UGGT2: variants seen among roughly 807,000 people sequenced by gnomAD.
UGGT2 encodes the protein UDP-glucose:glycoprotein glucosyltransferase 2.
In UGGT2, 180 loss-of-function variants were observed where a neutral mutation model predicts 192.1. The observed-to-expected ratio is 0.94, with a 90% CI of 0.83 to 1.06. The LOEUF is 1.06. Ranked by LOEUF, UGGT2 falls within the 50% of genes least tolerant of loss-of-function variation. The pLI, the probability that UGGT2 is intolerant of heterozygous loss-of-function variation, is 0.00. For missense variants in UGGT2, 1,849 were observed against 1,795.7 expected (o/e 1.03, Z -0.54); for synonymous variants, 580 against 591.0 (o/e 0.98, Z 0.27).
intron 29 of UGGT2, among the ~76,000 whole-genome samples, chr13:95,873,010 T>C (rs1185288705): frequency 6.6e-6 from 1 of 152,168 alleles, no homozygotes; most frequent in African/African-American, 2.4e-5. Context: ...AGACTACAAA[T>C]AGCAAAGAAA....
intron 7 of UGGT2, among the ~76,000 whole-genome samples, chr13:95,993,174 A>G (rs2051508692): frequency 6.6e-6 from 1 of 152,196 alleles, no homozygotes; most frequent in Non-Finnish European, 1.5e-5. Context: ...GTTCTCACTT[A>G]TAAGTGAGAA....
At chr13:95,848,311 G>C (rs1213113306) in intron 36 of UGGT2, among the ~76,000 whole-genome samples, 1 of 152,138 alleles carries the variant, frequency 6.6e-6, no homozygotes, top group African/African-American at 2.4e-5. Context: ...GTGAAGTCCA[G>C]CTTATCAATT....
intron 1 of UGGT2, 76 bp downstream of exon 1, chr13:96,053,079 G>A: frequency 7.2e-7 from 1 of 1,395,836 alleles, no homozygotes. Context: ...GACACCCGCT[G>A]CGAGCACGAA....
chr13:95,872,249 G>C (rs1361529063), intron 29 of UGGT2, among the ~76,000 whole-genome samples: 1 of 152,184 alleles, frequency 6.6e-6, no homozygotes, highest in Non-Finnish European at 1.5e-5. Flanking sequence ...CCAATACTGA[G>C]TACACACAAA....
At position 95,900,817 on chromosome 13, in the gene UGGT2, C is replaced by T; in HGVS notation, c.2624G>A (p.Ser875Asn). ...GCTTTTTCTACTTACTCTCCCATTG[C>T]TGACAATACCCATTTCTCCAGGACG... is the stretch of plus-strand genomic sequence containing the variant. ...KLRPGEMGIVSNGRFLGPLDE... is the reference protein window; with the variant it reads ...KLRPGEMGIVNNGRFLGPLDE... The change falls in exon 22 of 39, where the codon AGC (serine) becomes AAC (asparagine). Residue 875 changes from serine to asparagine, a missense_variant. Physicochemically the swap from Ser to Asn is conservative, Grantham distance 46. Coordinates refer to ENST00000376747, the MANE Select transcript of UGGT2 (RefSeq NM_020121.4). 1 of 1,608,424 alleles carries T rather than the reference C, an allele frequency of 6.2e-7. No homozygotes were observed. The highest frequency in any genetic ancestry group is 8.5e-7 in the Non-Finnish European group (1 of 1,177,840).
chr13:95,968,845 T>C (rs999380492), intron 12 of UGGT2, among the ~76,000 whole-genome samples: 1 of 152,166 alleles, frequency 6.6e-6, no homozygotes, highest in Non-Finnish European at 1.5e-5. Context: ...TATACACATA[T>C]ACGTGTGTGT....
intron 20 of UGGT2, among the ~76,000 whole-genome samples, chr13:95,906,226 C>G (rs9561976): frequency 6.6e-6 from 1 of 151,860 alleles, no homozygotes; most frequent in Non-Finnish European, 1.5e-5. Context: ...CTATTGTAAA[C>G]GGTATATTTA....
At chr13:95,936,251 C>T (rs1033964307) in intron 17 of UGGT2, among the ~76,000 whole-genome samples, 4 of 152,192 alleles carry the variant, frequency 2.6e-5, no homozygotes, top group African/African-American at 4.8e-5. Flanking sequence ...TTTTGAAATT[C>T]CTTAAGTGAT....
At chr13:95,940,449 CTTTT>C (rs1484678721) in intron 15 of UGGT2, among the ~76,000 whole-genome samples, 5 of 137,618 alleles carry the variant, frequency 3.6e-5, no homozygotes, top group African/African-American at 5.4e-5. Context: ...TAATTTTTTT[CTTTT>C]TCTTTTTTTT....
Position 95,856,240 on chromosome 13 carries a change from A to G in UGGT2, c.3926T>C (p.Ile1309Thr). The G allele has an allele frequency of 6.2e-7, 1 of 1,613,642 alleles. No homozygotes were observed. The highest frequency in any genetic ancestry group is 1.1e-5 in the South Asian group (1 of 91,044). The change falls in exon 34 of 39, where the codon ATT becomes ACT. Residue 1309 changes from isoleucine to threonine, a missense_variant. Physicochemically the swap from Ile to Thr is moderately conservative, Grantham distance 89 (BLOSUM62 -1). Coordinates refer to ENST00000376747, the MANE Select transcript of UGGT2 (RefSeq NM_020121.4). ...GAAAAGAATTTTGTAACCCCAAATA[A>G]TCCTCTGTCTTTCAGTCTGTTGACG... ...WLRQQTERQR[I>T]IWGYKILFLD...
intron 1 of UGGT2, among the ~76,000 whole-genome samples, chr13:96,034,702 A>G (rs1055170689): frequency 6.6e-6 from 1 of 152,232 alleles, no homozygotes; most frequent in African/African-American, 2.4e-5. Flanking sequence ...CAGTGCCTGC[A>G]GTGGAAGCCA....
In UGGT2 at chr13:95,927,461, ATTTT is replaced by A. The variant is rs2049057335; in HGVS notation, c.1978-129_1978-126del. Reference sequence around the variant, plus strand: ...AAGCAATTTAGAATTATTACAATACATTTTCTTTCTTTTTTTTTTTTTTTTTTAT... The same window carrying A: ...AAGCAATTTAGAATTATTACAATACACTTTCTTTTTTTTTTTTTTTTTTAT... On this transcript the variant is annotated intron_variant, in intron 17 of 38. Transcript: ENST00000376747. 2.8e-5 allele frequency: 22 copies of A among 776,356 alleles called. No individual in the cohort carries two copies. In the South Asian group the frequency reaches 4.5e-4, roughly 16 times the overall value. 48.1% of individuals were successfully genotyped at this position (776,356 alleles called of 1,614,324 possible). A position where few individuals can be genotyped will look rare whatever the true frequency, so the allele number is the denominator to read the frequency against.
At chr13:95,895,349 A>T in intron 22 of UGGT2, 45 bp from the exon 23 acceptor site, 1 of 1,192,518 alleles carries the variant, frequency 8.4e-7, no homozygotes, top group Non-Finnish European at 1.1e-6. Flanking sequence ...TCTAGAAGAT[A>T]TCAGTTTAGG....
intron 6 of UGGT2, among the ~76,000 whole-genome samples, chr13:95,998,678 G>A (rs2051701662): frequency 6.6e-6 from 1 of 152,022 alleles, no homozygotes; most frequent in South Asian, 2.1e-4. Flanking sequence ...TCTAGAGTAT[G>A]CATTTAGTTC....
chr13:95,859,887 T>A (rs780899229), intron 32 of UGGT2: 2 of 387,836 alleles, frequency 5.2e-6, no homozygotes, highest in Non-Finnish European at 9.3e-6. Flanking sequence ...GTTTTCACAA[T>A]GAAATGTGAA....
intron 20 of UGGT2, among the ~76,000 whole-genome samples, chr13:95,915,732 T>A (rs896222510): frequency 2.0e-5 from 3 of 152,050 alleles, no homozygotes; most frequent in Admixed American, 1.3e-4. Flanking sequence ...GTCCAAACAG[T>A]CCAGACAAGG....
chr13:95,951,219 A>G (rs2050050802), intron 12 of UGGT2, among the ~76,000 whole-genome samples: 1 of 152,168 alleles, frequency 6.6e-6, no homozygotes, highest in African/African-American at 2.4e-5. Context: ...AAATCAATAA[A>G]CAGATAAAAA....
intron 15 of UGGT2, among the ~76,000 whole-genome samples, chr13:95,944,713 GTTCTTTTAAC>G (rs1298387241): frequency 6.6e-6 from 1 of 151,842 alleles, no homozygotes; most frequent in East Asian, 1.9e-4. Context: ...TGGTTAACTA[GTTCTTTTAAC>G]TCCTTTTCTA....
intron 20 of UGGT2, among the ~76,000 whole-genome samples, chr13:95,917,459 C>T (rs1241336145): frequency 2.6e-5 from 4 of 152,132 alleles, no homozygotes; most frequent in Non-Finnish European, 5.9e-5. Context: ...GACAAATACA[C>T]ACTGAAGTAC....
Sources: allele counts gnomAD v4.1 joint callset (sites outside exome capture counted in the v4.1 genomes callset), GRCh38; gene constraint gnomAD v4.1.1; transcripts MANE v1.5; gene names NCBI Gene and HGNC (gene_info 2026-07-23, HGNC 2026-07-21).